The following COL23A1 variants were observed in gnomAD, a reference collection of about 807,000 sequenced individuals.
COL23A1 encodes the protein collagen alpha-1(XXIII) chain.
Under a neutral mutation model 99.3 loss-of-function variants are expected in COL23A1, and 97 were observed. The ratio of observed to expected loss-of-function variants is 0.98; its 90% CI spans 0.83 to 1.16. The LOEUF (loss-of-function observed/expected upper bound fraction) is 1.16, where lower values mean the gene tolerates loss of function less well. Among genes scored for constraint, COL23A1 ranks in the 50% most tolerant of loss-of-function variants. The probability of loss-of-function intolerance (pLI) is 0.00; values close to 1 mark genes in which losing one functional copy is unlikely to be tolerated. For missense variants in COL23A1, 762 were observed against 757.4 expected, an observed-to-expected ratio of 1.01 and a Z score of -0.07; for synonymous variants, 320 against 308.2, an observed-to-expected ratio of 1.04 and a Z score of -0.40.
rs1408121527 is a variant in COL23A1, at chr5:178,419,008, AC to A, written c.362-112090del. On this transcript the variant is annotated intron_variant, in intron 2 of 28. Coordinates refer to ENST00000390654, the MANE Select transcript of COL23A1 (RefSeq NM_173465.4). ...TTCATAGTGCTTGGAATGAAGTCTGACCTATGGCAGATGCTCAAGAAACACT... is the reference window on the plus strand; with the variant it reads ...TTCATAGTGCTTGGAATGAAGTCTGACTATGGCAGATGCTCAAGAAACACT... 5.3e-5 allele frequency among the ~76,000 whole-genome samples: 8 copies of A among 152,322 alleles called. No individual in the cohort carries two copies. The East Asian group carries it at 1.5e-3, about 29-fold the overall frequency.
intron 2 of COL23A1, among the ~76,000 whole-genome samples, chr5:178,323,482 T>C (rs772699033): frequency 3.3e-5 from 5 of 152,118 alleles, no homozygotes; most frequent in Non-Finnish European, 7.4e-5. Context: ...GTCCCTTTCA[T>C]TTCCTCCCTA....
intron 16 of COL23A1, among the ~76,000 whole-genome samples, chr5:178,254,046 C>T (rs1425622361): frequency 1.3e-5 from 2 of 152,124 alleles, no homozygotes; most frequent in Non-Finnish European, 2.9e-5. Context: ...TGCCTGTAGT[C>T]CCAGCTACTT....
intron 2 of COL23A1, among the ~76,000 whole-genome samples, chr5:178,470,389 G>A (rs1024985918): frequency 1.3e-5 from 2 of 152,116 alleles, no homozygotes; most frequent in Non-Finnish European, 1.5e-5. Flanking sequence ...GAAACCCACC[G>A]CCAATTAGAA....
At chr5:178,271,296 C>G (rs1038957486) in intron 5 of COL23A1, among the ~76,000 whole-genome samples, 1 of 152,170 alleles carries the variant, frequency 6.6e-6, no homozygotes, top group African/African-American at 2.4e-5. Context: ...TGTCCCCTCA[C>G]CCCCACATAC....
chr5:178,300,156 C>A (rs1561839429), intron 3 of COL23A1, among the ~76,000 whole-genome samples: 1 of 152,094 alleles, frequency 6.6e-6, no homozygotes, highest in Non-Finnish European at 1.5e-5. Flanking sequence ...ACCTCCGCTC[C>A]TCCAGGTTTA....
intron 2 of COL23A1, among the ~76,000 whole-genome samples, chr5:178,541,215 C>A (rs770785760): frequency 1.3e-5 from 2 of 152,156 alleles, no homozygotes; most frequent in South Asian, 4.1e-4. Flanking sequence ...AGAAAAGAGA[C>A]AGAAAATCCA....
chr5:178,388,812 C>A (rs926246041), intron 2 of COL23A1, among the ~76,000 whole-genome samples: 5 of 152,260 alleles, frequency 3.3e-5, no homozygotes, highest in Admixed American at 3.3e-4. Flanking sequence ...TTCCTCAGAA[C>A]ACAAAGCCCT....
intron 2 of COL23A1, among the ~76,000 whole-genome samples, chr5:178,496,970 C>CT (rs1346929792): frequency 2.0e-5 from 3 of 152,226 alleles, no homozygotes; most frequent in Non-Finnish European, 4.4e-5. Context: ...CATTGGGCCT[C>CT]TCTGAGAGGA....
At chr5:178,334,823 T>C (rs1760233542) in intron 2 of COL23A1, among the ~76,000 whole-genome samples, 1 of 152,200 alleles carries the variant, frequency 6.6e-6, no homozygotes, top group South Asian at 2.1e-4. Flanking sequence ...TTATTAGTAA[T>C]TTTACAGGTA....
intron 2 of COL23A1, among the ~76,000 whole-genome samples, chr5:178,554,445 C>A (rs1316790563): frequency 1.3e-5 from 2 of 152,174 alleles, no homozygotes; most frequent in Non-Finnish European, 1.5e-5. Context: ...TCCCAAAGTG[C>A]TGGAATTACA....
At chr5:178,257,995 T>G (rs1381299457) in intron 12 of COL23A1, among the ~76,000 whole-genome samples, 2 of 151,984 alleles carry the variant, frequency 1.3e-5, no homozygotes, top group Non-Finnish European at 2.9e-5. Flanking sequence ...AGCCCAGGAG[T>G]TTGTGGCTGT....
In COL23A1 at chr5:178,263,307, A is replaced by G. The variant is rs1765739547; in HGVS notation, c.540T>C (p.Asp180=). Residue 180 remains aspartate, a synonymous_variant, in exon 9 of 29, where the codon GAT becomes GAC. Coordinates refer to ENST00000390654, the MANE Select transcript of COL23A1 (RefSeq NM_173465.4). ...DFGPRGDQGQ[D]GAAGPPGPPG... is the part of the protein sequence containing the mutation. ...GGGGCCCCGGAGGCCCAGCAGCTCC[A>G]TCTTGTCCTTGGTCTCCCTGAAAGA... is the stretch of plus-strand genomic sequence containing the variant. 6.2e-7 allele frequency: 1 copy of G among 1,600,786 alleles called. No individual in the cohort carries two copies. Among genetic ancestry groups the G allele is most frequent in the African/African-American group, 1.4e-5 (1 of 73,746 alleles).
In COL23A1 at chr5:178,523,147, TATATATATATATATAC is replaced by T. The variant is rs1316814921; in HGVS notation, c.361+37519_361+37534del. Among the ~76,000 whole-genome samples, 900 of 90,930 alleles carry T rather than the reference TATATATATATATATAC, an allele frequency of 9.9e-3. 5 individuals are homozygous for T. The highest frequency in any genetic ancestry group is 0.016 in the Non-Finnish European group (660 of 42,308). The allele number at this position is 90,930 out of a possible 152,430, so 59.7% of individuals were successfully genotyped here. A position where few individuals can be genotyped will look rare whatever the true frequency, so the allele number is the denominator to read the frequency against. ...GAAACTCTGTCTCTATTTAAAAATA[TATATATATATATATAC>T]ATATATATATATATACACATATATA... On this transcript the variant is annotated intron_variant, in intron 2 of 28. Transcript: ENST00000390654.
chr5:178,528,551 C>T (rs1056244274), intron 2 of COL23A1, among the ~76,000 whole-genome samples: 1 of 152,220 alleles, frequency 6.6e-6, no homozygotes, highest in Non-Finnish European at 1.5e-5. Flanking sequence ...CAGTGGCTCA[C>T]GCCTGTAATC....
intron 2 of COL23A1, among the ~76,000 whole-genome samples, chr5:178,419,614 G>A (rs1765493147): frequency 6.6e-6 from 1 of 152,166 alleles, no homozygotes; most frequent in Admixed American, 6.5e-5. Context: ...CCCTAATGTC[G>A]GCGTGTGGGG....
intron 2 of COL23A1, among the ~76,000 whole-genome samples, chr5:178,372,498 G>A (rs1032238965): frequency 2.6e-5 from 4 of 152,220 alleles, no homozygotes; most frequent in African/African-American, 9.6e-5. Flanking sequence ...CCACAGGAAC[G>A]AAATCCTGGG....
At chr5:178,437,932 G>C (rs547970814) in intron 2 of COL23A1, among the ~76,000 whole-genome samples, 6 of 152,334 alleles carry the variant, frequency 3.9e-5, no homozygotes, top group Non-Finnish European at 5.9e-5. Context: ...CCTGGTCTGA[G>C]TGCCCACCAT....
intron 2 of COL23A1, among the ~76,000 whole-genome samples, chr5:178,327,647 A>G (rs924574914): frequency 3.3e-5 from 5 of 152,150 alleles, no homozygotes; most frequent in African/African-American, 1.2e-4. Flanking sequence ...GAGGCGCAGC[A>G]GAGCCCACGT....
At chr5:178,576,506 T>A (rs1763367408) in intron 1 of COL23A1, among the ~76,000 whole-genome samples, 1 of 152,216 alleles carries the variant, frequency 6.6e-6, no homozygotes, top group South Asian at 2.1e-4. Flanking sequence ...GTGCTGGGAT[T>A]ACGGGCGTGA....
Sources: gnomAD v4.1 joint callset for allele counts (sites outside exome capture counted in the v4.1 genomes callset) on GRCh38, gnomAD v4.1.1 for gene constraint, MANE v1.5 for transcripts, NCBI Gene and HGNC (gene_info 2026-07-23, HGNC 2026-07-21) for gene names.